The following RBFOX1 variants were observed in gnomAD, a reference collection of about 807,000 sequenced individuals.
RBFOX1 encodes the protein RNA binding protein fox-1 homolog 1.
RBFOX1 carries 8 observed loss-of-function variants against 57.7 expected under a neutral mutation model. The observed-to-expected ratio is 0.14, with a 90% confidence interval of 0.08 to 0.25. The LOEUF (loss-of-function observed/expected upper bound fraction) is 0.25, where lower values mean the gene tolerates loss of function less well. Among genes scored for constraint, RBFOX1 ranks in the 10% least tolerant of loss-of-function variants. The pLI, the probability that RBFOX1 is intolerant of heterozygous loss-of-function variation, is 1.00. For synonymous variants in RBFOX1, 326 were observed against 222.4 expected (o/e 1.47, Z -4.15); for missense variants, 611 against 548.5 (o/e 1.11, Z -1.14).
At chr16:5,319,160 TA>T (rs1168246138) in intron 1 of RBFOX1, among the ~76,000 whole-genome samples, 3 of 148,748 alleles carry the variant, frequency 2.0e-5, no homozygotes, top group Non-Finnish European at 4.4e-5. Flanking sequence ...CAAAAAAACA[TA>T]AAAAACCAGA....
At chr16:6,256,170 T>C (rs1350495939) in intron 1 of RBFOX1, among the ~76,000 whole-genome samples, 1 of 12,350 alleles carries the variant, frequency 8.1e-5, no homozygotes, top group Admixed American at 1.4e-3. Flanking sequence ...TATATATATA[T>C]GTATATATAT....
chr16:7,220,315 G>C (rs1273219409), intron 4 of RBFOX1, among the ~76,000 whole-genome samples: 1 of 152,158 alleles, frequency 6.6e-6, no homozygotes, highest in Non-Finnish European at 1.5e-5. Flanking sequence ...CATGCTGAGT[G>C]AGATTCCATT....
chr16:5,879,304 C>T (rs1389538283), intron 4 of RBFOX1, among the ~76,000 whole-genome samples: 2 of 152,318 alleles, frequency 1.3e-5, no homozygotes, highest in East Asian at 3.9e-4. Context: ...GAGGGAGAAA[C>T]TCCTCAGATC....
At chr16:7,471,426 T>G (rs1011058368) in intron 4 of RBFOX1, among the ~76,000 whole-genome samples, 1 of 152,226 alleles carries the variant, frequency 6.6e-6, no homozygotes, top group African/African-American at 2.4e-5. Flanking sequence ...CCCCAAAGTT[T>G]GCACCACCTG....
At chr16:7,468,765 C>A (rs1176264950) in intron 4 of RBFOX1, among the ~76,000 whole-genome samples, 2 of 152,108 alleles carry the variant, frequency 1.3e-5, no homozygotes, top group Admixed American at 1.3e-4. Flanking sequence ...GATTGTCTGG[C>A]TCCTCACCCT....
intron 3 of RBFOX1, among the ~76,000 whole-genome samples, chr16:6,936,615 A>G (rs1229191060): frequency 6.6e-6 from 1 of 152,122 alleles, no homozygotes; most frequent in Non-Finnish European, 1.5e-5. Flanking sequence ...TCCCTATAAA[A>G]TATTCACAGA....
chr16:7,312,615 C>T (rs575752811), intron 4 of RBFOX1, among the ~76,000 whole-genome samples: 2 of 152,126 alleles, frequency 1.3e-5, no homozygotes, highest in Admixed American at 1.3e-4. Context: ...AGTGAGCTGT[C>T]ATTCCTGCTT....
chr16:6,949,040 G>C (rs922776234), intron 3 of RBFOX1, among the ~76,000 whole-genome samples: 1 of 152,156 alleles, frequency 6.6e-6, no homozygotes, highest in African/African-American at 2.4e-5. Flanking sequence ...TCTATGGAGT[G>C]TGATTCGTAA....
intron 3 of RBFOX1, among the ~76,000 whole-genome samples, chr16:5,609,312 G>A (rs1422091066): frequency 6.6e-6 from 1 of 152,086 alleles, no homozygotes; most frequent in Non-Finnish European, 1.5e-5. Flanking sequence ...TTTCCAATAC[G>A]CCATCAGTCT....
intron 3 of RBFOX1, among the ~76,000 whole-genome samples, chr16:5,822,391 C>A (rs2055887571): frequency 6.6e-6 from 1 of 152,050 alleles, no homozygotes; most frequent in South Asian, 2.1e-4. Flanking sequence ...ATAACTTACT[C>A]ATGTAACCAA....
At chr16:7,249,301 C>T (rs1405167923) in intron 4 of RBFOX1, among the ~76,000 whole-genome samples, 1 of 151,866 alleles carries the variant, frequency 6.6e-6, no homozygotes, top group South Asian at 2.1e-4. Context: ...TTGGATGAAC[C>T]CTGAAAGTGG....
chr16:6,664,769 C>T (rs1393868679), intron 3 of RBFOX1, among the ~76,000 whole-genome samples: 1 of 152,176 alleles, frequency 6.6e-6, no homozygotes, highest in East Asian at 1.9e-4. Context: ...AAGAAATCCT[C>T]AGCAGTTTTG....
chr16:5,979,913 C>A (rs1364424710), intron 4 of RBFOX1, among the ~76,000 whole-genome samples: 1 of 152,116 alleles, frequency 6.6e-6, no homozygotes, highest in Non-Finnish European at 1.5e-5. Context: ...TAAATTGCTT[C>A]CCCATGGTCA....
chr16:6,544,513 A>G (rs957910446), intron 2 of RBFOX1, among the ~76,000 whole-genome samples: 2 of 152,092 alleles, frequency 1.3e-5, no homozygotes, highest in African/African-American at 4.8e-5. Flanking sequence ...TGTGAATTCA[A>G]CTCTGATCTC....
intron 3 of RBFOX1, among the ~76,000 whole-genome samples, chr16:6,656,067 T>G (rs143018647): frequency 2.0e-5 from 3 of 152,348 alleles, no homozygotes; most frequent in East Asian, 1.9e-4. Context: ...AATTCATGTT[T>G]GCATTCACCA....
Position 6,822,523 on chromosome 16 carries a change from A to C in RBFOX1, c.-16+167873A>C, listed in dbSNP as rs1323019121. ...AGTTTCACAACAGGAATGCAATTCC[A>C]CTTCGTGGCTAGAGATAAAACATGT... On this transcript the variant is annotated intron_variant, in intron 3 of 15. Transcript: ENST00000550418. Among the ~76,000 whole-genome samples, 4 of 152,238 alleles carry C rather than the reference A, an allele frequency of 2.6e-5. No individual in the cohort carries two copies. In the South Asian group the frequency reaches 8.3e-4, roughly 32 times the overall value.
intron 4 of RBFOX1, among the ~76,000 whole-genome samples, chr16:7,452,614 G>T (rs2057589687): frequency 6.6e-6 from 1 of 152,146 alleles, no homozygotes; most frequent in African/African-American, 2.4e-5. Flanking sequence ...AATGTATCAG[G>T]CACTTGCTGT....
chr16:6,814,270 T>A (rs2089533561), intron 3 of RBFOX1, among the ~76,000 whole-genome samples: 1 of 151,216 alleles, frequency 6.6e-6, no homozygotes, highest in Non-Finnish European at 1.5e-5. Context: ...GGAGGAGGTC[T>A]AAGAGAGTCA....
intron 2 of RBFOX1, among the ~76,000 whole-genome samples, chr16:6,653,446 A>G (rs1355605474): frequency 2.6e-5 from 4 of 152,168 alleles, no homozygotes; most frequent in African/African-American, 9.7e-5. Context: ...CATTTGAATA[A>G]GTTAATGCCA....
Sources: allele counts gnomAD v4.1 joint callset (sites outside exome capture counted in the v4.1 genomes callset), GRCh38; gene constraint gnomAD v4.1.1; transcripts MANE v1.5; gene names NCBI Gene and HGNC (gene_info 2026-07-23, HGNC 2026-07-21).